Variants in SOX5 observed in about 807,000 individuals in gnomAD.
SOX5 encodes SRY-box transcription factor 5, also known as transcription factor SOX-5.
SOX5 carries 9 observed loss-of-function variants against 92.0 expected under a neutral mutation model. That is an observed-to-expected ratio of 0.10 (90% confidence interval 0.06 to 0.17). The LOEUF is 0.17. Ranked by LOEUF, SOX5 falls within the 10% of genes least tolerant of loss-of-function variation. SOX5 has a pLI of 1.00. For missense variants in SOX5, 642 were observed against 944.5 expected (o/e 0.68, Z 4.20); for synonymous variants, 344 against 336.3 (o/e 1.02, Z -0.25).
chr12:24,072,695 A>G (rs902631474), intron 4 of SOX5, among the ~76,000 whole-genome samples: 2 of 152,260 alleles, frequency 1.3e-5, no homozygotes, highest in Non-Finnish European at 1.5e-5. Flanking sequence ...CATTAATGGA[A>G]AAAAACCTAC....
At chr12:24,376,729 T>TTA in intron 1 of SOX5, among the ~76,000 whole-genome samples, 1 of 46,524 alleles carries the variant, frequency 2.1e-5, no homozygotes. Context: ...TTTTTTTTTT[T>TTA]ACAGAGTCTC....
chr12:24,549,126 A>G (rs997110977), intron 1 of SOX5, among the ~76,000 whole-genome samples: 2 of 152,158 alleles, frequency 1.3e-5, no homozygotes, highest in African/African-American at 2.4e-5. Context: ...CTCATTAGCC[A>G]TCTTTAAAAT....
intron 2 of SOX5, among the ~76,000 whole-genome samples, chr12:24,278,988 A>G (rs547828936): frequency 6.6e-6 from 1 of 151,728 alleles, no homozygotes; most frequent in Non-Finnish European, 1.5e-5. Context: ...TTGTCATATC[A>G]TATATTTGGG....
chr12:23,852,982 G>T (rs2096649036), intron 2 of SOX5, among the ~76,000 whole-genome samples: 1 of 151,940 alleles, frequency 6.6e-6, no homozygotes, highest in African/African-American at 2.4e-5. Context: ...ATTAAAAGCT[G>T]CAGTGGGGAA....
intron 1 of SOX5, among the ~76,000 whole-genome samples, chr12:24,525,351 G>C (rs562423683): frequency 6.6e-6 from 1 of 152,278 alleles, no homozygotes; most frequent in South Asian, 2.1e-4. Flanking sequence ...TAGAATCAGA[G>C]TGGAATGGAG....
At chr12:23,589,922 C>T (rs1012964232) in intron 9 of SOX5, among the ~76,000 whole-genome samples, 2 of 151,882 alleles carry the variant, frequency 1.3e-5, no homozygotes, top group African/African-American at 4.8e-5. Context: ...CCTCATGGGA[C>T]TGAGGATCAT....
intron 3 of SOX5, among the ~76,000 whole-genome samples, chr12:24,242,769 T>C (rs1937702459): frequency 6.6e-6 from 1 of 152,074 alleles, no homozygotes; most frequent in African/African-American, 2.4e-5. Flanking sequence ...TTAGCGAGAG[T>C]GTAAACTTGT....
At chr12:23,976,460 G>A (rs1948927899) in intron 4 of SOX5, among the ~76,000 whole-genome samples, 1 of 146,730 alleles carries the variant, frequency 6.8e-6, no homozygotes, top group South Asian at 2.2e-4. Context: ...AGGAAGAAAG[G>A]TAAAGAAGTA....
chr12:24,359,871 C>T (rs971544616), intron 2 of SOX5, among the ~76,000 whole-genome samples: 3 of 152,072 alleles, frequency 2.0e-5, no homozygotes, highest in Non-Finnish European at 2.9e-5. Context: ...TACATCATTC[C>T]CCAATTCTGG....
intron 4 of SOX5, among the ~76,000 whole-genome samples, chr12:24,062,317 T>A (rs1479901150): frequency 6.6e-6 from 1 of 152,224 alleles, no homozygotes; most frequent in Non-Finnish European, 1.5e-5. Context: ...TTCTAACTTC[T>A]CTTTCTGGTT....
intron 12 of SOX5, among the ~76,000 whole-genome samples, chr12:23,545,139 CCTGGTCTTAA>C (rs1942863831): frequency 6.6e-6 from 1 of 152,148 alleles, no homozygotes; most frequent in South Asian, 2.1e-4. Flanking sequence ...TTAGTATAGA[CCTGGTCTTAA>C]AAGTAGAATT....
chr12:24,295,292 A>G (rs1347050026), intron 2 of SOX5, among the ~76,000 whole-genome samples: 1 of 152,184 alleles, frequency 6.6e-6, no homozygotes, highest in Non-Finnish European at 1.5e-5. Context: ...CGTGTACAAC[A>G]AACTCACACT....
chr12:24,266,629 G>A (rs575566477), intron 3 of SOX5, among the ~76,000 whole-genome samples: 2 of 152,180 alleles, frequency 1.3e-5, no homozygotes, highest in African/African-American at 4.8e-5. Flanking sequence ...CCTATTAACT[G>A]AATATTTCTA....
At chr12:24,240,548 T>A (rs1203685834) in intron 3 of SOX5, among the ~76,000 whole-genome samples, 1 of 152,220 alleles carries the variant, frequency 6.6e-6, no homozygotes, top group Admixed American at 6.5e-5. Flanking sequence ...ATCTTACACA[T>A]CATTGTCTTA....
intron 4 of SOX5, among the ~76,000 whole-genome samples, chr12:23,999,085 G>T (rs1320457534): frequency 6.6e-6 from 1 of 151,000 alleles, no homozygotes; most frequent in Non-Finnish European, 1.5e-5. Flanking sequence ...AAATAAAAAG[G>T]CCAGAAGCAG....
chr12:23,549,834 G>A (rs1169479081), intron 11 of SOX5, among the ~76,000 whole-genome samples: 1 of 151,890 alleles, frequency 6.6e-6, no homozygotes, highest in Non-Finnish European at 1.5e-5. Flanking sequence ...GGTTAAGTCT[G>A]TTTAAAAACA....
At chr12:23,631,606 C>T (rs984200291) in intron 8 of SOX5, among the ~76,000 whole-genome samples, 1 of 151,994 alleles carries the variant, frequency 6.6e-6, no homozygotes, top group Non-Finnish European at 1.5e-5. Context: ...TAAGATAACA[C>T]AGGATACTAT....
intron 6 of SOX5, among the ~76,000 whole-genome samples, chr12:23,730,566 G>T (rs549836626): frequency 6.6e-6 from 1 of 152,170 alleles, no homozygotes. Flanking sequence ...GGTCAACCTG[G>T]CAGAAGACTG....
chr12:24,482,764 G>GA (rs149958227), intron 1 of SOX5, among the ~76,000 whole-genome samples: 2 of 152,048 alleles, frequency 1.3e-5, no homozygotes, highest in African/African-American at 4.8e-5. Flanking sequence ...ATAGAGCAAA[G>GA]AAAAACCACA....
Sources: gnomAD v4.1 joint callset for allele counts (sites outside exome capture counted in the v4.1 genomes callset) on GRCh38, gnomAD v4.1.1 for gene constraint, MANE v1.5 for transcripts, NCBI Gene and HGNC (gene_info 2026-07-23, HGNC 2026-07-21) for gene names.